Variants in COMMD10 observed in about 807,000 individuals in gnomAD.
The protein encoded by COMMD10 is COMM domain containing 10, also known as COMM domain-containing protein 10.
A neutral mutation model predicts 28.9 loss-of-function variants in COMMD10; 33 were observed. The observed-to-expected ratio is 1.14, with a 90% CI of 0.87 to 1.53. The LOEUF is 1.53. Ranked by LOEUF, COMMD10 falls within the 40% of genes most tolerant of loss-of-function variation. The pLI is 0.00. For missense variants in COMMD10, 310 were observed against 233.4 expected (o/e 1.33, Z -2.14); for synonymous variants, 110 against 81.7 (o/e 1.35, Z -1.87).
intron 5 of COMMD10, among the ~76,000 whole-genome samples, chr5:116,246,072 A>G (rs1029840446): frequency 1.3e-5 from 2 of 152,140 alleles, no homozygotes; most frequent in African/African-American, 2.4e-5. Flanking sequence ...AAATGATCCA[A>G]TTTCTAGAAA....
chr5:116,146,972 A>G (rs1752370655), intron 5 of COMMD10, among the ~76,000 whole-genome samples: 1 of 151,892 alleles, frequency 6.6e-6, no homozygotes, highest in African/African-American at 2.4e-5. Context: ...CCATATTTTA[A>G]AAAACTAAAA....
intron 5 of COMMD10, among the ~76,000 whole-genome samples, chr5:116,139,009 A>C (rs1472479184): frequency 6.6e-6 from 1 of 151,806 alleles, no homozygotes; most frequent in Non-Finnish European, 1.5e-5. Flanking sequence ...CATGTTATAC[A>C]GATAGTAAAC....
chr5:116,170,203 C>T (rs1048957658), intron 5 of COMMD10, among the ~76,000 whole-genome samples: 3 of 152,108 alleles, frequency 2.0e-5, no homozygotes, highest in Non-Finnish European at 4.4e-5. Context: ...AATAGACAAA[C>T]TGAGAGCCAA....
intron 2 of COMMD10, among the ~76,000 whole-genome samples, chr5:116,088,570 T>C (rs886285639): frequency 3.3e-5 from 5 of 152,252 alleles, no homozygotes; most frequent in Non-Finnish European, 5.9e-5. Context: ...CATTGTAGTA[T>C]GGCTGCAGTC....
intron 5 of COMMD10, among the ~76,000 whole-genome samples, chr5:116,147,357 T>C (rs1028287633): frequency 6.6e-6 from 1 of 151,892 alleles, no homozygotes; most frequent in Non-Finnish European, 1.5e-5. Context: ...TAACCTTTGC[T>C]ACCAGCACAA....
At chr5:116,100,391 G>A (rs1428950588) in intron 4 of COMMD10, among the ~76,000 whole-genome samples, 2 of 151,978 alleles carry the variant, frequency 1.3e-5, no homozygotes, top group South Asian at 2.1e-4. Flanking sequence ...CATTGCAAAG[G>A]CCAGTGCTAA....
chr5:116,151,559 G>A (rs914049492), intron 5 of COMMD10, among the ~76,000 whole-genome samples: 1 of 152,064 alleles, frequency 6.6e-6, no homozygotes, highest in African/African-American at 2.4e-5. Flanking sequence ...TATTCAGAGA[G>A]TCAACTTCTT....
rs115216865 is a variant in COMMD10 at position 116,113,580 on chromosome 5, A to G, written c.400-20488A>G. The stretch of plus-strand genomic sequence containing the variant: ...TCTTTTCTTCTGCTTGGCCTAGTCT[A>G]TTATTGGAGTTTCCATGTATTTTAT... On this transcript the variant is annotated intron_variant, in intron 4 of 6. Transcript: ENST00000274458. 7.2e-3 allele frequency among the ~76,000 whole-genome samples: 1,088 copies of G among 151,862 alleles called. 16 individuals are homozygous for G. Among genetic ancestry groups the G allele is most frequent in the African/African-American group, 0.026 (1,057 of 41,388 alleles).
intron 5 of COMMD10, among the ~76,000 whole-genome samples, chr5:116,199,160 T>C (rs1346268026): frequency 1.3e-5 from 2 of 152,186 alleles, no homozygotes; most frequent in East Asian, 3.8e-4. Context: ...TTTTAGTAAG[T>C]GTGTAGTAGT....
At chr5:116,202,330 G>A (rs1225950923) in intron 5 of COMMD10, among the ~76,000 whole-genome samples, 10 of 151,706 alleles carry the variant, frequency 6.6e-5, no homozygotes, top group South Asian at 2.1e-4. Context: ...ATTGTGAATA[G>A]TGCCACAATA....
Position 116,202,150 on chromosome 5 carries a change from C to T in COMMD10, c.510+67972C>T, listed in dbSNP as rs1748685489. On this transcript the variant is annotated intron_variant, in intron 5 of 6. Coordinates refer to ENST00000274458, the MANE Select transcript of COMMD10 (RefSeq NM_016144.4). ...GAACATGCAGTGTTTGTTTTTTTGT[C>T]CTCGCGATAGTTTACTGAGAATGAT... Among the ~76,000 whole-genome samples, 3 of 150,420 alleles carry T rather than the reference C, an allele frequency of 2.0e-5. No individual in the cohort carries two copies. In the South Asian group the frequency reaches 6.4e-4, roughly 32 times the overall value.
intron 4 of COMMD10, among the ~76,000 whole-genome samples, chr5:116,102,866 G>A (rs900330544): frequency 6.6e-6 from 1 of 151,070 alleles, no homozygotes; most frequent in Non-Finnish European, 1.5e-5. Flanking sequence ...CACCCCTTAT[G>A]TCCATGTGTT....
intron 4 of COMMD10, among the ~76,000 whole-genome samples, chr5:116,124,729 C>A (rs576071666): frequency 1.8e-4 from 28 of 152,250 alleles, no homozygotes; most frequent in South Asian, 1.2e-3. Flanking sequence ...TCTATAAGGA[C>A]TTGCTTTATG....
At chr5:116,281,446 GAA>G (rs1378379993) in intron 5 of COMMD10, among the ~76,000 whole-genome samples, 1 of 151,714 alleles carries the variant, frequency 6.6e-6, no homozygotes, top group Non-Finnish European at 1.5e-5. Flanking sequence ...GAAATTGACA[GAA>G]TATTAATCTT....
chr5:116,191,021 G>C (rs1748352963), intron 5 of COMMD10, among the ~76,000 whole-genome samples: 1 of 152,096 alleles, frequency 6.6e-6, no homozygotes, highest in African/African-American at 2.4e-5. Context: ...ACTTTCCACA[G>C]TTTTGACATT....
rs1462223422 is a variant in COMMD10, at chr5:116,177,779, A to G, written c.510+43601A>G. Among the ~76,000 whole-genome samples the G allele has an allele frequency of 5.9e-5, 9 of 152,240 alleles. No homozygotes were observed. In the South Asian group the frequency reaches 8.3e-4, roughly 14 times the overall value. On this transcript the variant is annotated intron_variant, in intron 5 of 6. Transcript: ENST00000274458. ...TACCTTGTTTGCCCAAACCTTTCTC[A>G]GTACTAAGTGGCCATTTCACTTTGA...
intron 5 of COMMD10, among the ~76,000 whole-genome samples, chr5:116,136,332 G>A (rs563697333): frequency 5.3e-5 from 8 of 152,284 alleles, no homozygotes; most frequent in African/African-American, 1.7e-4. Context: ...ATAGACTGGA[G>A]CTATTCCATG....
intron 5 of COMMD10, among the ~76,000 whole-genome samples, chr5:116,170,383 T>C (rs1408686320): frequency 6.6e-6 from 1 of 152,150 alleles, no homozygotes; most frequent in Non-Finnish European, 1.5e-5. Flanking sequence ...ATAGGAAGAA[T>C]CAATATCGTG....
At chr5:116,135,252 GTTA>G (rs1751993824) in intron 5 of COMMD10, among the ~76,000 whole-genome samples, 2 of 152,026 alleles carry the variant, frequency 1.3e-5, no homozygotes. Context: ...TGGAAGAAAT[GTTA>G]TTATTTATAA....
Sources: gnomAD v4.1 joint callset for allele counts (sites outside exome capture counted in the v4.1 genomes callset) on GRCh38, gnomAD v4.1.1 for gene constraint, MANE v1.5 for transcripts, NCBI Gene and HGNC (gene_info 2026-07-23, HGNC 2026-07-21) for gene names.